The following ADAMTSL1 variants were observed in gnomAD, a reference collection of about 807,000 sequenced individuals.
The protein encoded by ADAMTSL1 is ADAMTS-like protein 1.
ADAMTSL1 carries 126 observed loss-of-function variants against 201.8 expected under a neutral mutation model. The ratio of observed to expected loss-of-function variants is 0.62; its 90% confidence interval spans 0.54 to 0.72. ADAMTSL1 has a LOEUF of 0.72. Among genes scored for constraint, ADAMTSL1 ranks in the 30% least tolerant of loss-of-function variants. The pLI is 0.00. For synonymous variants in ADAMTSL1, 1,121 were observed against 903.4 expected (o/e 1.24, Z -4.32); for missense variants, 2,679 against 2,277.8 (o/e 1.18, Z -3.59).
intron 23 of ADAMTSL1, among the ~76,000 whole-genome samples, chr9:18,839,976 T>G (rs1403474103): frequency 2.7e-5 from 4 of 150,280 alleles, no homozygotes; most frequent in Non-Finnish European, 4.4e-5. Context: ...TTTCTCCCAT[T>G]TTGTAGGTTG....
chr9:18,624,193 T>C (rs1826215219), intron 5 of ADAMTSL1, among the ~76,000 whole-genome samples: 1 of 152,098 alleles, frequency 6.6e-6, no homozygotes, highest in African/African-American at 2.4e-5. Flanking sequence ...AAAAATAAAA[T>C]AAATTTAAAA....
At chr9:18,036,531 G>A (rs548978785) in intron 1 of ADAMTSL1, among the ~76,000 whole-genome samples, 1 of 152,216 alleles carries the variant, frequency 6.6e-6, no homozygotes, top group East Asian at 1.9e-4. Context: ...TCTGGCCATG[G>A]TATGTTTGGT....
At chr9:18,706,611 A>G in intron 13 of ADAMTSL1, 136 bp from the exon 14 acceptor site, 1 of 832,096 alleles carries the variant, frequency 1.2e-6, no homozygotes, top group Non-Finnish European at 1.9e-6. Flanking sequence ...CCATCACAGG[A>G]CAGGGTGGAG....
intron 14 of ADAMTSL1, among the ~76,000 whole-genome samples, chr9:18,713,071 G>T (rs1832710775): frequency 6.6e-6 from 1 of 150,978 alleles, no homozygotes; most frequent in South Asian, 2.1e-4. Context: ...TCACCACCAG[G>T]CCTGCCCTAA....
At chr9:18,630,655 A>G (rs935764787) in intron 5 of ADAMTSL1, among the ~76,000 whole-genome samples, 8 of 152,138 alleles carry the variant, frequency 5.3e-5, no homozygotes, top group African/African-American at 1.9e-4. Flanking sequence ...AGTATACAGA[A>G]TTGCTGCCCT....
chr9:18,820,213 G>A (rs1018537740), intron 21 of ADAMTSL1, among the ~76,000 whole-genome samples: 1 of 151,804 alleles, frequency 6.6e-6, no homozygotes, highest in Non-Finnish European at 1.5e-5. Flanking sequence ...GTTTTTTATG[G>A]AGTATTTAAT....
chr9:18,431,216 A>G (rs550209433), intron 2 of ADAMTSL1, among the ~76,000 whole-genome samples: 2 of 152,310 alleles, frequency 1.3e-5, no homozygotes, highest in South Asian at 4.1e-4. Context: ...AATGCCCCAG[A>G]GGTGTTTTTA....
chr9:17,998,476 AACAGACTC>A (rs1819476465), intron 1 of ADAMTSL1, among the ~76,000 whole-genome samples: 1 of 152,040 alleles, frequency 6.6e-6, no homozygotes, highest in Non-Finnish European at 1.5e-5. Flanking sequence ...AAGAAATGAG[AACAGACTC>A]ACAGATAAAG....
chr9:18,288,485 C>G (rs964642206), intron 2 of ADAMTSL1, among the ~76,000 whole-genome samples: 1 of 152,034 alleles, frequency 6.6e-6, no homozygotes, highest in African/African-American at 2.4e-5. Flanking sequence ...AGTTAGGTTT[C>G]TTAATATTGT....
chr9:18,610,764 A>C (rs1587703250), intron 4 of ADAMTSL1, among the ~76,000 whole-genome samples: 1 of 152,100 alleles, frequency 6.6e-6, no homozygotes, highest in African/African-American at 2.4e-5. Context: ...ATCCCTCTTC[A>C]CCTTTCCTTT....
At chr9:18,889,782 A>ACCCTAGGAGGAG in intron 25 of ADAMTSL1, 34 bp downstream of exon 25, 1 of 1,410,002 alleles carries the variant, frequency 7.1e-7, no homozygotes, top group Non-Finnish European at 9.2e-7. Context: ...AGACCTCCCC[A>ACCCTAGGAGGAG]CCCTAGGAGG....
chr9:18,283,607 T>TAAAA lies in ADAMTSL1; in HGVS notation c.207+119646_207+119649dup, dbSNP rs34012085. ...GTTGAAGGAATGAGAAACTGTATCT[T>TAAAA]AAAAAAAAAAAAAAAAAAAAAAAGG... On this transcript the variant is annotated intron_variant, in intron 2 of 29. Coordinates refer to the ADAMTSL1 transcript ENST00000680146. 5.4e-4 allele frequency among the ~76,000 whole-genome samples: 33 copies of TAAAA among 60,750 alleles called. 1 individual carries two copies. The highest frequency in any genetic ancestry group is 7.2e-4 in the African/African-American group (10 of 13,850). The allele number at this position is 60,750 out of a possible 152,430, so 39.9% of individuals were successfully genotyped here.
intron 1 of ADAMTSL1, among the ~76,000 whole-genome samples, chr9:18,079,706 TAAA>T (rs1203524760): frequency 6.7e-6 from 1 of 148,740 alleles, no homozygotes; most frequent in African/African-American, 2.5e-5. Flanking sequence ...AATAAATAAA[TAAA>T]TAAATAAATA....
chr9:18,619,951 T>G, intron 4 of ADAMTSL1, among the ~76,000 whole-genome samples: 1 of 151,690 alleles, frequency 6.6e-6, no homozygotes, highest in East Asian at 1.9e-4. Context: ...TTGCCTAAAT[T>G]AAAACTGTCA....
chr9:18,559,909 C>T (rs1821364555), intron 3 of ADAMTSL1, among the ~76,000 whole-genome samples: 1 of 152,174 alleles, frequency 6.6e-6, no homozygotes, highest in Admixed American at 6.5e-5. Context: ...AGATTTGGGT[C>T]TGAGACAGTG....
intron 1 of ADAMTSL1, among the ~76,000 whole-genome samples, chr9:17,998,768 A>G (rs890208949): frequency 2.6e-5 from 4 of 151,936 alleles, no homozygotes; most frequent in African/African-American, 9.7e-5. Context: ...TTTGTGTCTT[A>G]TAAGTGAGGT....
At chr9:18,906,426 A>G (rs185853330) in intron 27 of ADAMTSL1, among the ~76,000 whole-genome samples, 99 of 152,296 alleles carry the variant, frequency 6.5e-4, no homozygotes, top group African/African-American at 1.8e-3. Context: ...GCCGGTGTCC[A>G]CATGGGGAGA....
intron 15 of ADAMTSL1, among the ~76,000 whole-genome samples, chr9:18,736,540 TAG>T (rs1818509651): frequency 6.6e-6 from 1 of 152,148 alleles, no homozygotes; most frequent in Non-Finnish European, 1.5e-5. Flanking sequence ...TCCCTTGATC[TAG>T]AAAAGAAAAA....
At chr9:18,904,240 A>C (rs1335238554) in intron 26 of ADAMTSL1, among the ~76,000 whole-genome samples, 1 of 152,152 alleles carries the variant, frequency 6.6e-6, no homozygotes, top group Admixed American at 6.5e-5. Context: ...AGGCCAAGGC[A>C]GGCAGATCAC....
Sources: allele counts gnomAD v4.1 joint callset (sites outside exome capture counted in the v4.1 genomes callset), GRCh38; gene constraint gnomAD v4.1.1; transcripts MANE v1.5; gene names NCBI Gene and HGNC (gene_info 2026-07-23, HGNC 2026-07-21).